Variants in PCDHA6 observed in about 807,000 individuals in gnomAD.
PCDHA6 encodes the protein protocadherin alpha-6.
PCDHA6 carries 55 observed loss-of-function variants against 60.3 expected under a neutral mutation model. The observed-to-expected ratio is 0.91, with a 90% CI of 0.73 to 1.14. PCDHA6 has a LOEUF of 1.14. Among genes scored for constraint, PCDHA6 ranks in the 50% most tolerant of loss-of-function variants. The pLI is 0.00. For missense variants in PCDHA6, 1,327 were observed against 1,256.5 expected, an observed-to-expected ratio of 1.06 and a Z score of -0.85; for synonymous variants, 652 against 557.9, an observed-to-expected ratio of 1.17 and a Z score of -2.38.
rs2150411782 is a variant in PCDHA6 at position 140,848,517 on chromosome 5, G to T, written c.2394+18032G>T. 2.4e-5 allele frequency: 38 copies of T among 1,592,614 alleles called. 5 individuals carry two copies. The highest frequency in any genetic ancestry group is 3.3e-4 in the Middle Eastern group (2 of 5,984). On this transcript the variant is annotated intron_variant, in intron 1 of 3. Coordinates refer to ENST00000529310, the MANE Select transcript of PCDHA6 (RefSeq NM_018909.4). ...TGAAATGTTATACTCAAGTCGAGGAGATCCAGAGGGTCAGCCTCTACTGCT... is the reference window on the plus strand; with the variant it reads ...TGAAATGTTATACTCAAGTCGAGGATATCCAGAGGGTCAGCCTCTACTGCT...
chr5:140,903,513 T>C (rs2070347965), intron 1 of PCDHA6, among the ~76,000 whole-genome samples: 2 of 152,216 alleles, frequency 1.3e-5, no homozygotes, highest in South Asian at 2.1e-4. Flanking sequence ...AATAGTTCTA[T>C]TGTGTTGTTC....
At chr5:140,877,942 C>G (rs1274042326) in intron 1 of PCDHA6, 1 of 1,367,756 alleles carries the variant, frequency 7.3e-7, no homozygotes, top group African/African-American at 1.5e-5. Context: ...ATCCTTTAAA[C>G]TATCGAATGT....
chr5:140,983,711 G>C (rs2097062291), intron 3 of PCDHA6, among the ~76,000 whole-genome samples: 1 of 152,202 alleles, frequency 6.6e-6, no homozygotes, highest in Non-Finnish European at 1.5e-5. Context: ...AGTATATCTA[G>C]CACTTATATT....
intron 1 of PCDHA6, chr5:140,967,630 C>T (rs1278035224): frequency 3.7e-6 from 6 of 1,613,982 alleles, no homozygotes; most frequent in Non-Finnish European, 5.1e-6. Context: ...ATGAGGGCTC[C>T]AATGGTGAGC....
At chr5:140,857,441 G>A (rs1554150037) in intron 1 of PCDHA6, 3 of 1,598,446 alleles carry the variant, frequency 1.9e-6, no homozygotes, top group African/African-American at 1.3e-5. Context: ...GTTCGTGAAG[G>A]AGAACAACCC....
intron 1 of PCDHA6, among the ~76,000 whole-genome samples, chr5:140,975,280 T>C (rs914764307): frequency 6.6e-6 from 1 of 152,252 alleles, no homozygotes; most frequent in Non-Finnish European, 1.5e-5. Flanking sequence ...CTCTGACCTC[T>C]AGACCCAGAT....
chr5:140,932,203 T>C (rs1415160763), intron 1 of PCDHA6, among the ~76,000 whole-genome samples: 1 of 151,924 alleles, frequency 6.6e-6, no homozygotes, highest in Non-Finnish European at 1.5e-5. Context: ...TCTGTTAATA[T>C]TCTTGATGGG....
intron 3 of PCDHA6, among the ~76,000 whole-genome samples, chr5:140,991,228 TGCAGTGGTAAAG>T (rs1452293099): frequency 1.1e-4 from 16 of 152,220 alleles, no homozygotes; most frequent in Non-Finnish European, 2.4e-4. Flanking sequence ...CATTAATAAA[TGCAGTGGTAAAG>T]GCAGTATTTG....
At chr5:140,856,152 A>T in intron 1 of PCDHA6, 1 of 1,598,182 alleles carries the variant, frequency 6.3e-7, no homozygotes, top group Non-Finnish European at 8.6e-7. Flanking sequence ...TACTCAGTCT[A>T]CGAGGAGGCC....
At chr5:140,839,890 G>T (rs1168165739) in intron 1 of PCDHA6, among the ~76,000 whole-genome samples, 2 of 151,956 alleles carry the variant, frequency 1.3e-5, no homozygotes, top group Non-Finnish European at 2.9e-5. Context: ...AATTTTGACA[G>T]AAAAAGATGA....
chr5:140,941,214 C>CTTTCTTTCTTTCTGTCTTT, intron 1 of PCDHA6, among the ~76,000 whole-genome samples: 1 of 122,492 alleles, frequency 8.2e-6, no homozygotes, highest in African/African-American at 3.1e-5. Flanking sequence ...TTTCTTTCTT[C>CTTTCTTTCTTTCTGTCTTT]CTTTCTTTCT....
intron 1 of PCDHA6, among the ~76,000 whole-genome samples, chr5:140,888,190 A>G (rs2153423083): frequency 6.6e-6 from 1 of 152,280 alleles, no homozygotes; most frequent in East Asian, 1.9e-4. Flanking sequence ...TGTGAATTTT[A>G]CATTGTCGGA....
At chr5:140,853,449 G>C (rs1331170631) in intron 1 of PCDHA6, 1 of 979,994 alleles carries the variant, frequency 1.0e-6, no homozygotes, top group East Asian at 1.1e-4. Flanking sequence ...TGCCTAATAG[G>C]TCTCCTTATA....
chr5:140,848,428 C>T, intron 1 of PCDHA6: 1 of 1,450,060 alleles, frequency 6.9e-7, no homozygotes, highest in Non-Finnish European at 9.4e-7. Flanking sequence ...ATGGGACTGA[C>T]GAAATCAGAT....
chr5:140,843,415 G>A (rs2150359556), intron 1 of PCDHA6: 2 of 1,596,114 alleles, frequency 1.3e-6, no homozygotes, highest in East Asian at 2.2e-5. Context: ...ATGTCAACGT[G>A]TACCTGATCA....
intron 1 of PCDHA6, chr5:140,927,766 GAGGTGCA>G: frequency 6.2e-7 from 1 of 1,614,234 alleles, no homozygotes. Context: ...TAAAAGTGGG[GAGGTGCA>G]AGTAGCTGCT....
At chr5:141,005,809 C>T (rs1554260384) in intron 3 of PCDHA6, among the ~76,000 whole-genome samples, 1 of 150,480 alleles carries the variant, frequency 6.6e-6, no homozygotes, top group Admixed American at 6.6e-5. Flanking sequence ...TCCAAGGAGC[C>T]AGGTATGGTG....
intron 1 of PCDHA6, chr5:140,857,813 G>A (rs17844346): frequency 6.3e-7 from 1 of 1,597,700 alleles, no homozygotes; most frequent in African/African-American, 1.3e-5. Flanking sequence ...TGCGGGTCAC[G>A]TGGTGGCTAA....
At chr5:140,949,745 T>C (rs114918785) in intron 1 of PCDHA6, among the ~76,000 whole-genome samples, 49 of 152,020 alleles carry the variant, frequency 3.2e-4, no homozygotes, top group African/African-American at 1.1e-3. Context: ...ACTGAAGTGC[T>C]TAGCCCATTC....
Sources: allele counts gnomAD v4.1 joint callset (sites outside exome capture counted in the v4.1 genomes callset), GRCh38; gene constraint gnomAD v4.1.1; transcripts MANE v1.5; gene names NCBI Gene and HGNC (gene_info 2026-07-23, HGNC 2026-07-21).